GAREM1: variants seen among roughly 807,000 people sequenced by gnomAD.
GAREM1 encodes the protein GRB2-associated and regulator of MAPK protein 1.
In GAREM1, 26 loss-of-function variants were observed where a neutral mutation model predicts 71.3. The ratio of observed to expected loss-of-function variants is 0.36; its 90% CI spans 0.27 to 0.51. The LOEUF (loss-of-function observed/expected upper bound fraction) is 0.51, where lower values mean the gene tolerates loss of function less well. Among genes scored for constraint, GAREM1 ranks in the 20% least tolerant of loss-of-function variants. The pLI, the probability that GAREM1 is intolerant of heterozygous loss-of-function variation, is 0.95. For synonymous variants in GAREM1, 440 were observed against 433.2 expected (o/e 1.02, Z -0.20); for missense variants, 1,026 against 1,103.1 (o/e 0.93, Z 0.99).
In GAREM1 at chr18:32,470,076, A is replaced by T. The variant is rs549366931; in HGVS notation, c.121+232T>A. Among the ~76,000 whole-genome samples, 64 of 150,432 alleles carry T rather than the reference A, an allele frequency of 4.3e-4. No individual in the cohort carries two copies. Among genetic ancestry groups the T allele is most frequent in the Non-Finnish European group, 7.1e-4 (48 of 67,468 alleles). ...GTCTCCCTATGTTGACTTTTTTTTT[A>T]GGGCGTCCTTTTTAATTATACTGCA... On this transcript the variant is annotated intron_variant, in intron 1 of 5. Coordinates refer to ENST00000269209, the MANE Select transcript of GAREM1 (RefSeq NM_001242409.2). The surrounding 1 kb of genome is among the most constrained non-coding windows in gnomAD (Gnocchi z 4.4).
chr18:32,332,810 C>A (rs2047550711), intron 2 of GAREM1, among the ~76,000 whole-genome samples: 1 of 152,146 alleles, frequency 6.6e-6, no homozygotes, highest in Non-Finnish European at 1.5e-5. Context: ...TGTTTCTAAG[C>A]TCTTAAAGCT....
At chr18:32,418,938 C>G (rs2048493673) in intron 1 of GAREM1, among the ~76,000 whole-genome samples, 1 of 152,208 alleles carries the variant, frequency 6.6e-6, no homozygotes, top group Non-Finnish European at 1.5e-5. Context: ...AGTCAGACGT[C>G]TAGCACTCCA....
chr18:32,343,895 C>T (rs958265811), intron 2 of GAREM1, among the ~76,000 whole-genome samples: 4 of 152,198 alleles, frequency 2.6e-5, no homozygotes, highest in African/African-American at 9.6e-5. Flanking sequence ...CCACTCCCAG[C>T]TCTGCTGCCC....
In GAREM1 at chr18:32,466,174, T is replaced by C. The variant is rs542540773; in HGVS notation, c.121+4134A>G. Among the ~76,000 whole-genome samples, 258 of 120,528 alleles carry C rather than the reference T, an allele frequency of 2.1e-3. 2 individuals carry two copies. Among genetic ancestry groups the C allele is most frequent in the African/African-American group, 7.1e-3 (247 of 35,000 alleles). 79.1% of individuals were successfully genotyped at this position (120,528 alleles called of 152,430 possible). A position where few individuals can be genotyped will look rare whatever the true frequency, so the allele number is the denominator to read the frequency against. On this transcript the variant is annotated intron_variant, in intron 1 of 5. Coordinates refer to ENST00000269209, the MANE Select transcript of GAREM1 (RefSeq NM_001242409.2). ...AAATACTAGATTTCAATCTATATAC[T>C]TTTTTTTTTGGTTACAGAGAGTATG...
At chr18:32,332,390 T>TG (rs890581650) in intron 2 of GAREM1, among the ~76,000 whole-genome samples, 5 of 151,642 alleles carry the variant, frequency 3.3e-5, no homozygotes, top group Admixed American at 1.3e-4. Flanking sequence ...CATGCTCACA[T>TG]GGGGGGGTTG....
At chr18:32,331,574 G>C (rs1402097178) in intron 2 of GAREM1, 1 of 152,174 alleles carries the variant, frequency 6.6e-6, no homozygotes. Flanking sequence ...TCAAGCACTA[G>C]TATACCTCAA....
rs2049047483 is a variant in GAREM1, at chr18:32,470,787, C to T, written c.-359G>A. On this transcript the variant is annotated 5_prime_UTR_variant, in exon 1 of 6. Coordinates refer to ENST00000269209, the MANE Select transcript of GAREM1 (RefSeq NM_001242409.2). The surrounding 1 kb of genome is among the most constrained non-coding windows in gnomAD (Gnocchi z 4.4). ...GCAGCTGCGGCGGCCGCCCGCTCGC[C>T]TCCTCCTCCTCTTACCCCTCCTTCC... 6.7e-6 allele frequency among the ~76,000 whole-genome samples: 1 copy of T among 150,250 alleles called. No individual in the cohort carries two copies. The highest frequency in any genetic ancestry group is 2.4e-5 in the African/African-American group (1 of 41,266).
At position 32,427,328 on chromosome 18, in the gene GAREM1, A is replaced by C. The variant is rs558305556; in HGVS notation, c.122-34293T>G. On this transcript the variant is annotated intron_variant, in intron 1 of 5. Coordinates refer to ENST00000269209, the MANE Select transcript of GAREM1 (RefSeq NM_001242409.2). ...GTGTTTAACAGTCAACAGGTATGTA[A>C]ATTATTCTTCCCAAATTTATAGATA... 5.3e-5 allele frequency among the ~76,000 whole-genome samples: 8 copies of C among 152,312 alleles called. No homozygotes were observed. In the South Asian group the frequency reaches 1.5e-3, roughly 28 times the overall value.
At chr18:32,418,947 C>T (rs1345515768) in intron 1 of GAREM1, among the ~76,000 whole-genome samples, 2 of 152,198 alleles carry the variant, frequency 1.3e-5, no homozygotes, top group Admixed American at 1.3e-4. Context: ...TCTAGCACTC[C>T]AAGGCTGGGC....
intron 2 of GAREM1, among the ~76,000 whole-genome samples, chr18:32,320,414 T>C (rs642914): frequency 0.18 from 27,651 of 152,110 alleles, 2,942 homozygotes; most frequent in African/African-American, 0.29. Context: ...TCTGATTCCC[T>C]ACATTACTTG....
intron 2 of GAREM1, among the ~76,000 whole-genome samples, chr18:32,388,935 A>G (rs533946428): frequency 6.6e-6 from 1 of 152,300 alleles, no homozygotes; most frequent in African/African-American, 2.4e-5. Flanking sequence ...CTGTGGTTAT[A>G]TAAGAGGATA....
At chr18:32,298,862 CTT>C (rs2047169447) in intron 3 of GAREM1, among the ~76,000 whole-genome samples, 1 of 152,114 alleles carries the variant, frequency 6.6e-6, no homozygotes. Context: ...TTTCATTACT[CTT>C]TCTTTTGGGA....
At chr18:32,271,306 C>T (rs942947328) in intron 4 of GAREM1, among the ~76,000 whole-genome samples, 1 of 152,170 alleles carries the variant, frequency 6.6e-6, no homozygotes, top group African/African-American at 2.4e-5. Context: ...AATTCTCCTG[C>T]CTCAGCCTCC....
chr18:32,457,871 C>T (rs189899756), intron 1 of GAREM1, among the ~76,000 whole-genome samples: 3 of 152,084 alleles, frequency 2.0e-5, no homozygotes, highest in Admixed American at 1.3e-4. Context: ...ACCCATCAAC[C>T]CCTGGATCTA....
chr18:32,367,146 A>AT (rs1353023430), intron 2 of GAREM1, among the ~76,000 whole-genome samples: 2 of 152,122 alleles, frequency 1.3e-5, no homozygotes, highest in African/African-American at 2.4e-5. Context: ...AAATCCTTTC[A>AT]TTTTCTGCAA....
chr18:32,283,123 G>T (rs937549714), intron 4 of GAREM1, among the ~76,000 whole-genome samples: 1 of 152,236 alleles, frequency 6.6e-6, no homozygotes, highest in Non-Finnish European at 1.5e-5. Context: ...AGCTGCAACA[G>T]TTCTAGGGGT....
At chr18:32,317,627 T>C (rs1228837642) in intron 2 of GAREM1, among the ~76,000 whole-genome samples, 1 of 151,314 alleles carries the variant, frequency 6.6e-6, no homozygotes, top group Non-Finnish European at 1.5e-5. Context: ...CCAGCAAACA[T>C]GAAGGCCTAC....
At chr18:32,430,018 G>C (rs2048608940) in intron 1 of GAREM1, among the ~76,000 whole-genome samples, 1 of 152,152 alleles carries the variant, frequency 6.6e-6, no homozygotes, top group South Asian at 2.1e-4. Context: ...TAACAATTTG[G>C]TTTCAAACAC....
intron 2 of GAREM1, among the ~76,000 whole-genome samples, chr18:32,388,245 TAAAA>T (rs941964017): frequency 5.9e-5 from 9 of 151,802 alleles, no homozygotes; most frequent in African/African-American, 1.2e-4. Context: ...AGCAGGTAAG[TAAAA>T]AAATAAATAA....
Sources: allele counts gnomAD v4.1 joint callset (sites outside exome capture counted in the v4.1 genomes callset), GRCh38; gene constraint gnomAD v4.1.1; non-coding constraint Gnocchi (gnomAD v3.1); transcripts MANE v1.5; gene names NCBI Gene and HGNC (gene_info 2026-07-23, HGNC 2026-07-21).